DIPK2B: variants seen among roughly 807,000 people sequenced by gnomAD.
DIPK2B encodes UPF0672 protein CXorf36.
A neutral mutation model predicts 22.2 loss-of-function variants in DIPK2B; 15 were observed. The ratio of observed to expected loss-of-function variants is 0.68; its 90% CI spans 0.45 to 1.04. The LOEUF (loss-of-function observed/expected upper bound fraction) is 1.04, where lower values mean the gene tolerates loss of function less well. Ranked by LOEUF, DIPK2B falls within the 50% of genes least tolerant of loss-of-function variation. The pLI is 0.00. For synonymous variants in DIPK2B, 163 were observed against 153.2 expected (o/e 1.06, Z -0.47); for missense variants, 345 against 348.3 (o/e 0.99, Z 0.08).
At chrX:45,169,184 T>G (rs1046580680) in intron 2 of DIPK2B, among the ~76,000 whole-genome samples, 1 of 111,588 alleles carries the variant, frequency 9.0e-6, no homozygotes, top group African/African-American at 3.3e-5. Context: ...AAAAGATGGT[T>G]ATCCTCATAA....
intron 2 of DIPK2B, chrX:45,164,194 T>A: frequency 8.4e-7 from 1 of 1,196,407 alleles, no homozygotes; most frequent in African/African-American, 1.7e-5. Flanking sequence ...GCTTTTTCAC[T>A]GGTGTTATCT....
At chrX:45,164,030 G>A in intron 2 of DIPK2B, 1 of 1,004,382 alleles carries the variant, frequency 1.0e-6, no homozygotes, top group Non-Finnish European at 1.3e-6. Context: ...GGGCCTGTGT[G>A]TTGGTGAATT....
intron 2 of DIPK2B, chrX:45,162,758 T>C: frequency 1.3e-6 from 1 of 754,299 alleles, no homozygotes; most frequent in Non-Finnish European, 1.6e-6. Flanking sequence ...TGCCCCTCTC[T>C]CTCCCGTGCC....
chrX:45,200,704 C>A lies in DIPK2B; in HGVS notation c.123G>T (p.Val41=). Residue 41 remains valine, a synonymous_variant, in exon 1 of 5, where the codon GTG becomes GTT. Coordinates refer to ENST00000398000, the MANE Select transcript of DIPK2B (RefSeq NM_176819.4). ...SLPASSLSSL[V]PQVRTSYNFG... ...AATTGTAGCTGGTTCTGACTTGGGG[C>A]ACCAGAGAAGAAAGGGAAGAAGCTG... The A allele has an allele frequency of 8.2e-7, 1 of 1,212,282 alleles. No homozygotes were observed. The highest frequency in any genetic ancestry group is 3.0e-5 in the East Asian group (1 of 33,863).
rs751595925 is a variant in DIPK2B at position 45,197,881 on chromosome X, A to T, written c.233+2713T>A. ...ATGTGCACAAAACATAGCTACAGGG[A>T]TGTTTGACATAGAACTGTTTATAAT... On this transcript the variant is annotated intron_variant, in intron 1 of 4. Transcript: ENST00000398000. 5.4e-5 allele frequency among the ~76,000 whole-genome samples: 6 copies of T among 112,011 alleles called. No individual in the cohort carries two copies. In the Admixed American group the frequency reaches 5.7e-4, roughly 11 times the overall value.
intron 3 of DIPK2B, 111 bp from the exon 4 acceptor site, chrX:45,154,309 ATC>A: frequency 1.1e-5 from 7 of 666,568 alleles, no homozygotes; most frequent in Non-Finnish European, 1.5e-5. Context: ...CTATCTATCT[ATC>A]TATCTATCTG....
rs772678270 is a variant in DIPK2B at position 45,185,270 on chromosome X, CT to C, written c.498+6480del. Among the ~76,000 whole-genome samples the C allele has an allele frequency of 6.2e-5, 7 of 112,173 alleles. No homozygotes were observed. The East Asian group carries it at 1.9e-3, about 31-fold the overall frequency. ...CCAGAGGCCTCTGGGCCAAGTCACA[CT>C]TAACGGCAAAAGCATTTTTTTCTGA... On this transcript the variant is annotated intron_variant, in intron 2 of 4. Transcript: ENST00000398000.
Position 45,157,781 on chromosome X carries a change from G to T in DIPK2B, c.606C>A (p.Phe202Leu). The change falls in exon 3 of 5, where the codon TTC (phenylalanine) becomes TTA (leucine). Residue 202 changes from phenylalanine to leucine, a missense_variant. By Grantham distance (22) the Phe-to-Leu change is conservative (BLOSUM62 0). Coordinates refer to ENST00000398000, the MANE Select transcript of DIPK2B (RefSeq NM_176819.4). Reference protein sequence around the residue: ...ADAGSIFMDHFTDRDKLRLLY... With the variant: ...ADAGSIFMDHLTDRDKLRLLY... ...GCAGGCGCAGCTTGTCACGGTCGGTGAAGTGGTCCATGAAGATGCTGCCGG... is the reference window on the plus strand; with the variant it reads ...GCAGGCGCAGCTTGTCACGGTCGGTTAAGTGGTCCATGAAGATGCTGCCGG... 1 of 1,194,103 alleles carries T rather than the reference G, an allele frequency of 8.4e-7. No homozygotes were observed. The highest frequency in any genetic ancestry group is 1.1e-6 in the Non-Finnish European group (1 of 887,265).
At chrX:45,172,278 T>C (rs1445577521) in intron 2 of DIPK2B, among the ~76,000 whole-genome samples, 1 of 111,765 alleles carries the variant, frequency 8.9e-6, no homozygotes, top group Non-Finnish European at 1.9e-5. Context: ...TACAAGCAAA[T>C]GGTTGCTTTG....
At chrX:45,178,989 G>C (rs1323322875) in intron 2 of DIPK2B, among the ~76,000 whole-genome samples, 2 of 111,322 alleles carry the variant, frequency 1.8e-5, no homozygotes, top group Non-Finnish European at 3.8e-5. Flanking sequence ...GTGAGACCAA[G>C]AAAACTACAC....
At chrX:45,168,787 C>T (rs765137946) in intron 2 of DIPK2B, among the ~76,000 whole-genome samples, 5 of 111,965 alleles carry the variant, frequency 4.5e-5, no homozygotes, top group Non-Finnish European at 9.4e-5. Flanking sequence ...GTATTCCCAT[C>T]GGCCTGCGGA....
intron 1 of DIPK2B, among the ~76,000 whole-genome samples, chrX:45,199,881 C>A (rs934321344): frequency 1.8e-5 from 2 of 111,143 alleles, no homozygotes; most frequent in African/African-American, 6.6e-5. Context: ...AAGTGTGATG[C>A]CATTCTTTGC....
At chrX:45,163,802 ATGT>A in intron 2 of DIPK2B, 3 of 777,266 alleles carry the variant, frequency 3.9e-6, no homozygotes, top group Non-Finnish European at 4.6e-6. Context: ...GCCTTTGGTA[ATGT>A]TGTCAGAATT....
chrX:45,164,238 C>A (rs1287820030), intron 2 of DIPK2B: 12 of 1,199,910 alleles, frequency 1.0e-5, no homozygotes, highest in South Asian at 1.8e-5. Flanking sequence ...CTCTCTGGCC[C>A]TGGTGACAGT....
intron 1 of DIPK2B, among the ~76,000 whole-genome samples, chrX:45,197,626 G>A (rs2047246302): frequency 1.8e-5 from 2 of 112,007 alleles, no homozygotes; most frequent in African/African-American, 6.5e-5. Flanking sequence ...CAAAGGATGT[G>A]AACCTGTAGA....
intron 4 of DIPK2B, among the ~76,000 whole-genome samples, chrX:45,153,326 C>G (rs1421974113): frequency 9.0e-6 from 1 of 111,685 alleles, no homozygotes; most frequent in East Asian, 2.8e-4. Context: ...TGGTTCCATG[C>G]TTTTTTACTT....
chrX:45,200,234 T>C (rs1192633592), intron 1 of DIPK2B, among the ~76,000 whole-genome samples: 1 of 111,522 alleles, frequency 9.0e-6, no homozygotes, highest in Non-Finnish European at 1.9e-5. Context: ...CACCATTAAC[T>C]CTCACAATGA....
At chrX:45,189,270 G>A (rs1477570076) in intron 2 of DIPK2B, among the ~76,000 whole-genome samples, 1 of 111,760 alleles carries the variant, frequency 8.9e-6, no homozygotes, top group Non-Finnish European at 1.9e-5. Flanking sequence ...GGCCACCTTT[G>A]GTGAAGACAG....
At chrX:45,162,563 G>A (rs2047027493) in intron 2 of DIPK2B, 21 of 752,601 alleles carry the variant, frequency 2.8e-5, no homozygotes, top group Non-Finnish European at 3.3e-5. Flanking sequence ...ATGGCAAACA[G>A]AATTGGGAAA....
Sources: allele counts gnomAD v4.1 joint callset (sites outside exome capture counted in the v4.1 genomes callset), GRCh38; gene constraint gnomAD v4.1.1; transcripts MANE v1.5; gene names NCBI Gene and HGNC (gene_info 2026-07-23, HGNC 2026-07-21).